Variants in QRSL1 observed in about 807,000 individuals in gnomAD.
QRSL1 encodes the protein glutaminyl-tRNA amidotransferase subunit QRSL1, also known as glutamyl-tRNA(Gln) amidotransferase subunit A, mitochondrial.
A neutral mutation model predicts 61.6 loss-of-function variants in QRSL1; 54 were observed. The observed-to-expected ratio is 0.88, with a 90% CI of 0.70 to 1.10. QRSL1 has a LOEUF of 1.10. Ranked by LOEUF, QRSL1 falls within the 50% of genes least tolerant of loss-of-function variation. The probability of loss-of-function intolerance (pLI) is 0.00; values close to 1 mark genes in which losing one functional copy is unlikely to be tolerated. For missense variants in QRSL1, 505 were observed against 622.6 expected (o/e 0.81, Z 2.01); for synonymous variants, 228 against 225.7 (o/e 1.01, Z -0.09).
Position 106,635,870 on chromosome 6 carries a change from C to CA in QRSL1, c.25-4465dup, listed in dbSNP as rs796131926. Among the ~76,000 whole-genome samples the CA allele has an allele frequency of 6.6e-3, 824 of 124,770 alleles. 2 individuals carry two copies. Among genetic ancestry groups the CA allele is most frequent in the Middle Eastern group, 0.041 (10 of 246 alleles). 81.9% of individuals were successfully genotyped at this position (124,770 alleles called of 152,430 possible). On this transcript the variant is annotated intron_variant, in intron 1 of 10. Coordinates refer to ENST00000369046, the MANE Select transcript of QRSL1 (RefSeq NM_018292.5). ...TGGGCAACAGAGCGAGACTCCATTT[C>CA]AAAAAAAAAAAAAAGACAGTTCTTT...
At chr6:106,648,109 A>G (rs1270085451) in intron 4 of QRSL1, among the ~76,000 whole-genome samples, 1 of 151,546 alleles carries the variant, frequency 6.6e-6, no homozygotes, top group Non-Finnish European at 1.5e-5. Flanking sequence ...CATCCTGGCC[A>G]ACGTGGTGAA....
chr6:106,645,910 A>G (rs769760409), intron 4 of QRSL1, among the ~76,000 whole-genome samples: 1 of 152,222 alleles, frequency 6.6e-6, no homozygotes. Flanking sequence ...TGTAGTCTAC[A>G]AATAGAGTTA....
intron 5 of QRSL1, among the ~76,000 whole-genome samples, chr6:106,651,836 A>G (rs1282270188): frequency 6.6e-6 from 1 of 152,202 alleles, no homozygotes; most frequent in Non-Finnish European, 1.5e-5. Flanking sequence ...TTAAAATACC[A>G]GGAATCACGA....
rs1177849683 is a variant in QRSL1, at chr6:106,639,119, G to GTT, written c.25-1204_25-1203dup. On this transcript the variant is annotated intron_variant, in intron 1 of 10. Coordinates refer to ENST00000369046, the MANE Select transcript of QRSL1 (RefSeq NM_018292.5). ...TGTGTGGTTATTTGTGTGTTTTGTT[G>GTT]TTTTTTTTTTTTTTTTTTTTTTTTT... Among the ~76,000 whole-genome samples, 653 of 122,664 alleles carry GTT rather than the reference G, an allele frequency of 5.3e-3. 62 individuals carry two copies. Among genetic ancestry groups the GTT allele is most frequent in the African/African-American group, 0.017 (522 of 30,016 alleles). 80.5% of individuals were successfully genotyped at this position (122,664 alleles called of 152,430 possible). A position where few individuals can be genotyped will look rare whatever the true frequency, so the allele number is the denominator to read the frequency against.
At chr6:106,631,658 G>GT (rs112157126) in intron 1 of QRSL1, among the ~76,000 whole-genome samples, 1 of 151,284 alleles carries the variant, frequency 6.6e-6, no homozygotes, top group African/African-American at 2.4e-5. Context: ...TCTTATGATT[G>GT]TTTTTAAAAA....
intron 10 of QRSL1, among the ~76,000 whole-genome samples, chr6:106,665,576 A>G (rs1777418160): frequency 6.6e-6 from 1 of 152,230 alleles, no homozygotes; most frequent in Non-Finnish European, 1.5e-5. Flanking sequence ...TGAATGAAGA[A>G]GGTTTCTGTG....
At chr6:106,642,914 G>T in intron 3 of QRSL1, 80 bp from the exon 4 acceptor site, 1 of 1,009,218 alleles carries the variant, frequency 9.9e-7, no homozygotes, top group East Asian at 2.4e-5. Context: ...TATTCCCTGT[G>T]AATTCATGGC....
At chr6:106,646,392 C>T (rs551452707) in intron 4 of QRSL1, among the ~76,000 whole-genome samples, 1 of 152,018 alleles carries the variant, frequency 6.6e-6, no homozygotes, top group African/African-American at 2.4e-5. Flanking sequence ...AAAGATAAAT[C>T]CAAAATGAGA....
chr6:106,631,638 T>C (rs566766114), intron 1 of QRSL1, among the ~76,000 whole-genome samples: 2 of 151,564 alleles, frequency 1.3e-5, no homozygotes, highest in Admixed American at 6.6e-5. Context: ...CAAGGTTGTG[T>C]TTTTTGCAGT....
At chr6:106,642,904 T>C (rs1451084183) in intron 3 of QRSL1, 90 bp from the exon 4 acceptor site, 2 of 946,206 alleles carry the variant, frequency 2.1e-6, no homozygotes, top group Admixed American at 1.9e-5. Flanking sequence ...TGTTGGAGCC[T>C]ATTCCCTGTG....
chr6:106,648,052 C>T (rs1455186012), intron 4 of QRSL1, among the ~76,000 whole-genome samples: 1 of 151,026 alleles, frequency 6.6e-6, no homozygotes, highest in African/African-American at 2.4e-5. Context: ...AATCCCAGCA[C>T]TTTGGGAGGC....
At chr6:106,650,181 A>G (rs1777170466) in intron 5 of QRSL1, among the ~76,000 whole-genome samples, 1 of 152,112 alleles carries the variant, frequency 6.6e-6, no homozygotes, top group South Asian at 2.1e-4. Context: ...TCATCATCCC[A>G]CTTAGTGTTC....
chr6:106,666,879 A>G lies in QRSL1; in HGVS notation c.*877A>G, dbSNP rs1777444892. 6.6e-6 allele frequency: 1 copy of G among 152,182 alleles called. No individual in the cohort carries two copies. Among genetic ancestry groups the G allele is most frequent in the Non-Finnish European group, 1.5e-5 (1 of 68,034 alleles). 9.4% of individuals were successfully genotyped at this position (152,182 alleles called of 1,614,324 possible). A position where few individuals can be genotyped will look rare whatever the true frequency, so the allele number is the denominator to read the frequency against. The stretch of plus-strand genomic sequence containing the variant: ...ATCTCAGGGGTATGCCTCTCTGGGG[A>G]GGAGCTCCACTTGCAGGGACTCCTT... On this transcript the variant is annotated 3_prime_UTR_variant, in exon 11 of 11. Coordinates refer to ENST00000369046, the MANE Select transcript of QRSL1 (RefSeq NM_018292.5).
chr6:106,640,560 T>C, intron 2 of QRSL1, 52 bp downstream of exon 2: 1 of 1,422,460 alleles, frequency 7.0e-7, no homozygotes, highest in Non-Finnish European at 9.4e-7. Context: ...GAAGTTTAAT[T>C]GTTTGTAGCA....
At position 106,649,127 on chromosome 6, in the gene QRSL1, A is replaced by G. The variant is rs751111258; in HGVS notation, c.483A>G (p.Glu161=). 23 of 1,614,238 alleles carry G rather than the reference A, an allele frequency of 1.4e-5. 1 individual carries two copies. The highest frequency in any genetic ancestry group is 3.3e-5 in the Admixed American group (2 of 60,024). The change falls in exon 5 of 11, where the codon GAA becomes GAG. Residue 161 remains glutamate (E), a synonymous_variant. Transcript: ENST00000369046. ...KRKQNPHSEN[E]DSDWLITGGS... is the part of the protein sequence containing the mutation. Reference sequence around the variant, plus strand: ...AGCAGAATCCCCACAGCGAGAATGAAGATTCAGACTGGCTGATAACTGGAG... The same window carrying G: ...AGCAGAATCCCCACAGCGAGAATGAGGATTCAGACTGGCTGATAACTGGAG...
chr6:106,649,377 G>A (rs1371759267), intron 5 of QRSL1, among the ~76,000 whole-genome samples, 176 bp downstream of exon 5: 1 of 151,398 alleles, frequency 6.6e-6, no homozygotes, highest in Non-Finnish European at 1.5e-5. Context: ...AGTACACTAT[G>A]TATATTTAAT....
intron 9 of QRSL1, among the ~76,000 whole-genome samples, chr6:106,661,311 T>G (rs1342721085): frequency 6.6e-6 from 1 of 152,048 alleles, no homozygotes; most frequent in Non-Finnish European, 1.5e-5. Flanking sequence ...GAGTCAGGAT[T>G]TCACCATGTT....
rs1192551214 is a variant in QRSL1, at chr6:106,667,324, G to A, written c.*1322G>A. The A allele has an allele frequency of 6.6e-6, 1 of 152,028 alleles. No individual in the cohort carries two copies. Among genetic ancestry groups the A allele is most frequent in the Non-Finnish European group, 1.5e-5 (1 of 68,018 alleles). 9.4% of individuals were successfully genotyped at this position (152,028 alleles called of 1,614,324 possible). A position where few individuals can be genotyped will look rare whatever the true frequency, so the allele number is the denominator to read the frequency against. ...AGTGTTTTTTATTTGGGACCCTCGA[G>A]CCCAGAGATATTAATGGATATCTGT... On this transcript the variant is annotated 3_prime_UTR_variant, in exon 11 of 11. Coordinates refer to ENST00000369046, the MANE Select transcript of QRSL1 (RefSeq NM_018292.5).
chr6:106,640,977 T>C (rs1229313137), intron 3 of QRSL1, 56 bp downstream of exon 3: 1 of 1,282,182 alleles, frequency 7.8e-7, no homozygotes, highest in Non-Finnish European at 1.1e-6. Context: ...TATTTTTCGC[T>C]TTAAGGATAA....
Sources: allele counts gnomAD v4.1 joint callset (sites outside exome capture counted in the v4.1 genomes callset), GRCh38; gene constraint gnomAD v4.1.1; transcripts MANE v1.5; gene names NCBI Gene and HGNC (gene_info 2026-07-23, HGNC 2026-07-21).